TNFRSF21: variants seen among roughly 807,000 people sequenced by gnomAD.
TNFRSF21 encodes the protein TNF receptor superfamily member 21.
TNFRSF21 carries 19 observed loss-of-function variants against 45.6 expected under a neutral mutation model. The ratio of observed to expected loss-of-function variants is 0.42; its 90% CI spans 0.29 to 0.61. The LOEUF (loss-of-function observed/expected upper bound fraction) is 0.61. TNFRSF21 is among the 20% of genes least tolerant of loss of function. The pLI is 0.23. For synonymous variants in TNFRSF21, 314 were observed against 335.5 expected, an observed-to-expected ratio of 0.94 and a Z score of 0.70; for missense variants, 737 against 851.5, an observed-to-expected ratio of 0.87 and a Z score of 1.67.
At chr6:47,243,231 G>A (rs1764772923) in intron 4 of TNFRSF21, among the ~76,000 whole-genome samples, 1 of 152,078 alleles carries the variant, frequency 6.6e-6, no homozygotes, top group African/African-American at 2.4e-5. Context: ...TCCCTCCGTG[G>A]TGGTAACTAC....
chr6:47,282,727 T>C (rs972416236), intron 3 of TNFRSF21, among the ~76,000 whole-genome samples: 3 of 152,260 alleles, frequency 2.0e-5, no homozygotes, highest in African/African-American at 7.2e-5. Flanking sequence ...GATTATATTC[T>C]ACAAAGTATG....
At chr6:47,259,119 C>A (rs895942962) in intron 3 of TNFRSF21, among the ~76,000 whole-genome samples, 1 of 152,346 alleles carries the variant, frequency 6.6e-6, no homozygotes, top group African/African-American at 2.4e-5. Flanking sequence ...AGTTCCCACC[C>A]CAATTATTAA....
At chr6:47,297,510 C>CTTTTTTTTTTT (rs55690288) in intron 1 of TNFRSF21, among the ~76,000 whole-genome samples, 31 of 117,442 alleles carry the variant, frequency 2.6e-4, no homozygotes, top group Admixed American at 4.9e-4. Flanking sequence ...TCTCTTTTTA[C>CTTTTTTTTTTT]TTTTTTTTTT....
intron 1 of TNFRSF21, among the ~76,000 whole-genome samples, chr6:47,296,324 C>T (rs1561952546): frequency 6.6e-6 from 1 of 152,048 alleles, no homozygotes; most frequent in Non-Finnish European, 1.5e-5. Context: ...TATAGTGTGC[C>T]GAGCAGCCCA....
chr6:47,298,335 C>T (rs1424147432), intron 1 of TNFRSF21, among the ~76,000 whole-genome samples: 1 of 147,216 alleles, frequency 6.8e-6, no homozygotes, highest in African/African-American at 2.5e-5. Context: ...GTTCCAGCTA[C>T]TCAGGAGGCT....
intron 1 of TNFRSF21, among the ~76,000 whole-genome samples, chr6:47,304,457 T>C (rs1762911347): frequency 6.6e-6 from 1 of 152,148 alleles, no homozygotes; most frequent in African/African-American, 2.4e-5. Context: ...AAGTGTGATG[T>C]CTCCACATTC....
At chr6:47,268,854 T>G (rs1762372917) in intron 3 of TNFRSF21, among the ~76,000 whole-genome samples, 1 of 152,190 alleles carries the variant, frequency 6.6e-6, no homozygotes, top group Non-Finnish European at 1.5e-5. Context: ...CCTTCATTCC[T>G]TTGCTTCCCC....
At chr6:47,279,568 C>T (rs1762539446) in intron 3 of TNFRSF21, among the ~76,000 whole-genome samples, 1 of 152,138 alleles carries the variant, frequency 6.6e-6, no homozygotes, top group Non-Finnish European at 1.5e-5. Context: ...TCCACGTAAC[C>T]TCTCAATTAA....
In TNFRSF21 at chr6:47,253,769, A is replaced by T. The variant is rs549642962; in HGVS notation, c.1244-248T>A. On this transcript the variant is annotated intron_variant, in intron 3 of 5. Coordinates refer to ENST00000296861, the MANE Select transcript of TNFRSF21 (RefSeq NM_014452.5). ...AGGAATGATCATGGAATTATAATAA[A>T]TCAGACCCAAAAAGATGTTTCGAAA... Among the ~76,000 whole-genome samples the T allele has an allele frequency of 8.5e-5, 13 of 152,318 alleles. No individual in the cohort carries two copies. In the South Asian group the frequency reaches 2.7e-3, roughly 32 times the overall value.
intron 3 of TNFRSF21, among the ~76,000 whole-genome samples, chr6:47,272,484 C>A (rs549620658): frequency 8.2e-4 from 125 of 152,270 alleles, no homozygotes; most frequent in African/African-American, 2.7e-3. Context: ...AAAGACACAA[C>A]GTACCAGAAT....
rs371431944 is a variant in TNFRSF21 at position 47,300,088 on chromosome 6, A to G, written c.96+9328T>C. Among the ~76,000 whole-genome samples the G allele has an allele frequency of 1.3e-4, 20 of 152,332 alleles. 1 individual carries two copies. In the South Asian group the frequency reaches 3.1e-3, roughly 24 times the overall value. On this transcript the variant is annotated intron_variant, in intron 1 of 5. Transcript: ENST00000296861. ...ACAGCAAGCCAAGCATCCAACAACA[A>G]TAGAATGGCTCAACACAGTGCCGAC...
At chr6:47,296,719 G>GA (rs1426309349) in intron 1 of TNFRSF21, among the ~76,000 whole-genome samples, 1 of 152,368 alleles carries the variant, frequency 6.6e-6, no homozygotes, top group Admixed American at 6.5e-5. Flanking sequence ...AACACCTGGA[G>GA]ATTCCTGGAG....
At chr6:47,234,561 A>C in intron 5 of TNFRSF21, 109 bp downstream of exon 5, 1 of 881,912 alleles carries the variant, frequency 1.1e-6, no homozygotes, top group South Asian at 1.6e-5. Context: ...CAGGTAATTC[A>C]GATGACTCAA....
intron 3 of TNFRSF21, among the ~76,000 whole-genome samples, chr6:47,271,824 A>G (rs1002207713): frequency 4.6e-5 from 7 of 152,174 alleles, no homozygotes; most frequent in Non-Finnish European, 7.4e-5. Context: ...AGGAAGATCT[A>G]TCAAGCAAAT....
At chr6:47,308,104 T>C (rs1227340624) in intron 1 of TNFRSF21, among the ~76,000 whole-genome samples, 1 of 152,178 alleles carries the variant, frequency 6.6e-6, no homozygotes, top group Non-Finnish European at 1.5e-5. Context: ...CATTAATAAG[T>C]GGGCAGAAAA....
intron 4 of TNFRSF21, among the ~76,000 whole-genome samples, chr6:47,246,410 T>A (rs1326707013): frequency 6.6e-6 from 1 of 152,200 alleles, no homozygotes; most frequent in Non-Finnish European, 1.5e-5. Context: ...GCAAGATCTT[T>A]ACAAAGCACT....
intron 1 of TNFRSF21, among the ~76,000 whole-genome samples, chr6:47,301,646 G>C (rs2113870718): frequency 6.6e-6 from 1 of 152,182 alleles, no homozygotes; most frequent in African/African-American, 2.4e-5. Context: ...TACCAGAGCT[G>C]GTTGCTTAAA....
At chr6:47,259,755 A>G (rs1042704681) in intron 3 of TNFRSF21, among the ~76,000 whole-genome samples, 1 of 152,192 alleles carries the variant, frequency 6.6e-6, no homozygotes, top group Non-Finnish European at 1.5e-5. Context: ...CAAAGGAGTC[A>G]AGCCCTATAC....
At chr6:47,255,883 G>A (rs559375785) in intron 3 of TNFRSF21, among the ~76,000 whole-genome samples, 1 of 152,214 alleles carries the variant, frequency 6.6e-6, no homozygotes, top group South Asian at 2.1e-4. Flanking sequence ...ATTCCCAAGT[G>A]AGGCTTAGGA....
Sources: allele counts gnomAD v4.1 joint callset (sites outside exome capture counted in the v4.1 genomes callset), GRCh38; gene constraint gnomAD v4.1.1; transcripts MANE v1.5; gene names NCBI Gene and HGNC (gene_info 2026-07-23, HGNC 2026-07-21).